HSD17B2: variants seen among roughly 807,000 people sequenced by gnomAD.
HSD17B2 encodes the protein 17-beta-hydroxysteroid dehydrogenase type 2.
Under a neutral mutation model 26.9 loss-of-function variants are expected in HSD17B2, and 32 were observed. That is an observed-to-expected ratio of 1.19 (90% CI 0.90 to 1.60). HSD17B2 has a LOEUF of 1.60. Ranked by LOEUF, HSD17B2 falls within the 40% of genes most tolerant of loss-of-function variation. The pLI is 0.00. For missense variants in HSD17B2, 613 were observed against 468.6 expected, an observed-to-expected ratio of 1.31 and a Z score of -2.85; for synonymous variants, 246 against 186.7, an observed-to-expected ratio of 1.32 and a Z score of -2.59.
intron 1 of HSD17B2, among the ~76,000 whole-genome samples, chr16:82,058,966 C>T (rs969988970): frequency 3.3e-5 from 5 of 152,010 alleles, no homozygotes; most frequent in African/African-American, 7.2e-5. Flanking sequence ...TTCTGTCATT[C>T]GGTAAATATT....
intron 3 of HSD17B2, among the ~76,000 whole-genome samples, chr16:82,079,138 A>G (rs1051132090): frequency 2.6e-5 from 4 of 152,206 alleles, no homozygotes; most frequent in African/African-American, 9.6e-5. Flanking sequence ...CTCATGTAGC[A>G]CATAAATATA....
At chr16:82,070,913 A>G in intron 2 of HSD17B2, 29 bp from the exon 3 acceptor site, 2 of 1,596,200 alleles carry the variant, frequency 1.3e-6, no homozygotes, top group Admixed American at 1.7e-5. Context: ...TCTTCCAGAC[A>G]CTCACTCATT....
intron 3 of HSD17B2, among the ~76,000 whole-genome samples, chr16:82,080,599 C>A (rs1365743321): frequency 1.3e-5 from 2 of 152,184 alleles, no homozygotes; most frequent in East Asian, 3.8e-4. Flanking sequence ...GTTTAAGCCA[C>A]TAGGTTTGTA....
intron 1 of HSD17B2, among the ~76,000 whole-genome samples, chr16:82,066,078 G>T (rs1426689268): frequency 6.6e-6 from 1 of 152,120 alleles, no homozygotes; most frequent in Non-Finnish European, 1.5e-5. Context: ...CAGGAACTGG[G>T]CTCACAAAAT....
intron 3 of HSD17B2, among the ~76,000 whole-genome samples, chr16:82,084,949 C>T (rs1016198953): frequency 1.2e-4 from 18 of 152,200 alleles, no homozygotes; most frequent in African/African-American, 4.1e-4. Flanking sequence ...GTCTTGAACT[C>T]CTGGCCTCAA....
intron 1 of HSD17B2, 38 bp downstream of exon 1, chr16:82,035,727 A>C (rs1248623543): frequency 8.1e-6 from 13 of 1,596,304 alleles, no homozygotes; most frequent in Non-Finnish European, 1.1e-5. Context: ...TGAGGGTATG[A>C]TCTGAAACTT....
intron 1 of HSD17B2, among the ~76,000 whole-genome samples, chr16:82,067,899 C>A (rs1914608984): frequency 6.6e-6 from 1 of 152,212 alleles, no homozygotes; most frequent in Non-Finnish European, 1.5e-5. Context: ...CACTCCTGGA[C>A]TACCCTTCCC....
chr16:82,051,581 T>G (rs1597123163), intron 1 of HSD17B2, among the ~76,000 whole-genome samples: 9 of 143,606 alleles, frequency 6.3e-5, no homozygotes, highest in East Asian at 2.0e-4. Context: ...GGGGTGAGGG[T>G]GAGGGGAGGG....
rs944560341 is a variant in HSD17B2 at position 82,058,382 on chromosome 16, A to T, written c.266-9788A>T. Among the ~76,000 whole-genome samples, 4 of 152,176 alleles carry T rather than the reference A, an allele frequency of 2.6e-5. No individual in the cohort carries two copies. The East Asian group carries it at 7.7e-4, about 29-fold the overall frequency. ...TACCGCACCCAGCCATAAGATGTTAATAATAGGGAAACTGTATGCGAAGTA... is the reference window on the plus strand; with the variant it reads ...TACCGCACCCAGCCATAAGATGTTATTAATAGGGAAACTGTATGCGAAGTA... On this transcript the variant is annotated intron_variant, in intron 1 of 4. Transcript: ENST00000199936.
intron 1 of HSD17B2, among the ~76,000 whole-genome samples, chr16:82,062,356 A>G (rs188142327): frequency 6.6e-6 from 1 of 152,334 alleles, no homozygotes; most frequent in Admixed American, 6.5e-5. Flanking sequence ...TGCCCTGTTG[A>G]GCACTTACTA....
rs770733423 is a variant in HSD17B2, at chr16:82,035,448, A to G, written c.24A>G (p.Thr8=). Residue 8 remains threonine, a synonymous_variant, in exon 1 of 5, where the codon ACA becomes ACG. Transcript: ENST00000199936. ...GAATGAGCACTTTCTTCTCGGACAC[A>G]GCATGGATCTGCCTGGCTGTCCCCA... MSTFFSD[T]AWICLAVPTV... 7 of 1,613,000 alleles carry G rather than the reference A, an allele frequency of 4.3e-6. No homozygotes were observed. In the South Asian group the frequency reaches 5.5e-5, roughly 13 times the overall value.
At chr16:82,089,053 C>T (rs1008002393) in intron 3 of HSD17B2, among the ~76,000 whole-genome samples, 4 of 152,114 alleles carry the variant, frequency 2.6e-5, no homozygotes, top group Non-Finnish European at 5.9e-5. Flanking sequence ...TTCCAAAGGC[C>T]CCATCTCCAA....
chr16:82,057,372 T>C (rs1597125972), intron 1 of HSD17B2, among the ~76,000 whole-genome samples: 1 of 152,136 alleles, frequency 6.6e-6, no homozygotes, highest in East Asian at 1.9e-4. Flanking sequence ...CTACTTTTTG[T>C]ATTTTTAGTA....
At position 82,093,376 on chromosome 16, in the gene HSD17B2, G is replaced by T. The variant is rs1379262793; in HGVS notation, c.802+2337G>T. 3 of 152,158 alleles carry T rather than the reference G, an allele frequency of 2.0e-5. No individual in the cohort carries two copies. The East Asian group carries it at 5.8e-4, about 29-fold the overall frequency. The allele number at this position is 152,158 out of a possible 1,614,324, so 9.4% of individuals were successfully genotyped here. ...GGAATCAATATGTATGTATCCTTTT[G>T]TGTCTGGCTTCTTTCACTCAATATT... On this transcript the variant is annotated intron_variant, in intron 4 of 4. Transcript: ENST00000199936.
chr16:82,064,135 A>T (rs1044490597), intron 1 of HSD17B2, among the ~76,000 whole-genome samples: 1 of 152,208 alleles, frequency 6.6e-6, no homozygotes, highest in Non-Finnish European at 1.5e-5. Context: ...TCTTCCAAGG[A>T]ACTTTCCTAA....
intron 3 of HSD17B2, among the ~76,000 whole-genome samples, chr16:82,076,219 G>A (rs989360346): frequency 6.6e-6 from 1 of 152,004 alleles, no homozygotes; most frequent in Non-Finnish European, 1.5e-5. Context: ...AAAAAACTGT[G>A]TATAGAAGGA....
At chr16:82,092,672 G>A (rs1371063689) in intron 4 of HSD17B2, 1 of 152,410 alleles carries the variant, frequency 6.6e-6, no homozygotes, top group Non-Finnish European at 1.5e-5. Context: ...CGATAGAAAT[G>A]CAGAGAAGAT....
intron 1 of HSD17B2, chr16:82,044,363 A>G (rs1271101489): frequency 2.0e-5 from 3 of 152,370 alleles, no homozygotes; most frequent in Non-Finnish European, 4.4e-5. Context: ...TTCCTGATAG[A>G]TGCATTGGAG....
intron 2 of HSD17B2, among the ~76,000 whole-genome samples, chr16:82,069,709 A>G (rs1253413534): frequency 6.6e-6 from 1 of 152,222 alleles, no homozygotes. Flanking sequence ...CATTAGAATC[A>G]TTTGAAAATT....
Sources: gnomAD v4.1 joint callset for allele counts (sites outside exome capture counted in the v4.1 genomes callset) on GRCh38, gnomAD v4.1.1 for gene constraint, MANE v1.5 for transcripts, NCBI Gene and HGNC (gene_info 2026-07-23, HGNC 2026-07-21) for gene names.